The following ITPR2 variants were observed in gnomAD, a reference collection of about 807,000 sequenced individuals.
ITPR2 encodes the protein inositol 1,4,5-trisphosphate-gated calcium channel ITPR2.
Under a neutral mutation model 317.1 loss-of-function variants are expected in ITPR2, and 207 were observed. The observed-to-expected ratio is 0.65, with a 90% CI of 0.58 to 0.73. ITPR2 has a LOEUF of 0.73. Ranked by LOEUF, ITPR2 falls within the 30% of genes least tolerant of loss-of-function variation. ITPR2 has a pLI of 0.00. For missense variants in ITPR2, 2,613 were observed against 3,284.0 expected (o/e 0.80, Z 4.99); for synonymous variants, 1,156 against 1,149.1 (o/e 1.01, Z -0.12).
chr12:26,531,684 A>C (rs11609438), intron 37 of ITPR2, among the ~76,000 whole-genome samples: 11,418 of 131,470 alleles, frequency 0.087, 537 homozygotes, highest in Non-Finnish European at 0.12. Flanking sequence ...CACACACACA[A>C]GTGTGTATCT....
chr12:26,366,761 T>A (rs546110624), intron 55 of ITPR2, among the ~76,000 whole-genome samples: 1 of 152,284 alleles, frequency 6.6e-6, no homozygotes, highest in Admixed American at 6.5e-5. Flanking sequence ...ATTTGGTAGT[T>A]CCAAAACCAT....
At chr12:26,403,524 G>T (rs1216836034) in intron 52 of ITPR2, among the ~76,000 whole-genome samples, 1 of 152,114 alleles carries the variant, frequency 6.6e-6, no homozygotes, top group East Asian at 1.9e-4. Context: ...AGGCTGAAGG[G>T]GGAATGTCAT....
intron 15 of ITPR2, among the ~76,000 whole-genome samples, chr12:26,660,379 G>A (rs996967101): frequency 1.3e-5 from 2 of 152,120 alleles, no homozygotes; most frequent in South Asian, 2.1e-4. Flanking sequence ...CATCTCCCAC[G>A]TTCTATCTAC....
At chr12:26,416,959 C>T (rs193300685) in intron 50 of ITPR2, among the ~76,000 whole-genome samples, 346 of 152,218 alleles carry the variant, frequency 2.3e-3, no homozygotes, top group African/African-American at 8.2e-3. Context: ...GCCTGGGTTC[C>T]GTTCTAGGCC....
At position 26,335,419 on chromosome 12, in the gene ITPR2, G is replaced by A. The variant is rs1018813136; in HGVS notation, c.*3978C>T. On this transcript the variant is annotated 3_prime_UTR_variant, in exon 57 of 57. Transcript: ENST00000381340. ...TGCCCTTGTCATATATTGGAATCGT[G>A]TTTTTTAGGCAAATATAACAATCCT... Among the ~76,000 whole-genome samples the A allele has an allele frequency of 1.3e-5, 2 of 152,168 alleles. No homozygotes were observed. The highest frequency in any genetic ancestry group is 4.8e-5 in the African/African-American group (2 of 41,436).
At chr12:26,751,864 TAA>T (rs58449510) in intron 2 of ITPR2, among the ~76,000 whole-genome samples, 17 of 132,978 alleles carry the variant, frequency 1.3e-4, no homozygotes, top group African/African-American at 4.6e-4. Flanking sequence ...AGACTCTATC[TAA>T]AAAAAAAAAA....
chr12:26,595,334 A>C (rs773179277), intron 32 of ITPR2, 131 bp downstream of exon 32: 190 of 844,346 alleles, frequency 2.3e-4, no homozygotes, highest in Non-Finnish European at 3.2e-4. Flanking sequence ...TCTGAAATTT[A>C]TTCACAACTT....
chr12:26,796,828 G>A (rs1592139524), intron 1 of ITPR2, among the ~76,000 whole-genome samples: 2 of 152,058 alleles, frequency 1.3e-5, no homozygotes, highest in South Asian at 2.1e-4. Flanking sequence ...TCAGGAGTTC[G>A]AGACCAGTCT....
intron 34 of ITPR2, among the ~76,000 whole-genome samples, chr12:26,562,248 T>C (rs1944838780): frequency 6.6e-6 from 1 of 152,184 alleles, no homozygotes; most frequent in Non-Finnish European, 1.5e-5. Context: ...ACCAGCATAT[T>C]TGTACCTTCC....
Position 26,419,090 on chromosome 12 carries a change from T to G in ITPR2, c.7069A>C (p.Met2357Leu). ...LYHVAYVLVCMLGLFVHEFFY... is the reference protein window; with the variant it reads ...LYHVAYVLVCLLGLFVHEFFY... ...AATTCATGGACAAAAAGGCCCAGCA[T>G]GCAAACCAGGACATACGCCACGTGA... Residue 2357 changes from methionine (M) to leucine (L), a missense_variant, in exon 50 of 57, where the codon ATG (methionine) becomes CTG (leucine). Met to Leu is a conservative substitution (Grantham distance 15). Around this residue, in one of 9 missense-constraint regions of ITPR2, gnomAD observed 78 missense variants for 110.3 expected, o/e 0.71. Transcript: ENST00000381340. 1.2e-6 allele frequency: 2 copies of G among 1,613,718 alleles called. No individual in the cohort carries two copies. The highest frequency in any genetic ancestry group is 1.7e-6 in the Non-Finnish European group (2 of 1,179,804).
At chr12:26,394,577 C>T (rs1939939079) in intron 54 of ITPR2, among the ~76,000 whole-genome samples, 2 of 151,876 alleles carry the variant, frequency 1.3e-5, no homozygotes, top group South Asian at 4.2e-4. Context: ...AATGGGAGAA[C>T]AACAGGGGAG....
chr12:26,555,197 T>C (rs1944629539), intron 36 of ITPR2, among the ~76,000 whole-genome samples: 1 of 152,216 alleles, frequency 6.6e-6, no homozygotes, highest in East Asian at 1.9e-4. Flanking sequence ...ACTCCCAAGG[T>C]TCCAGCTTAA....
chr12:26,373,659 C>G (rs978555527), intron 55 of ITPR2: 3 of 152,182 alleles, frequency 2.0e-5, no homozygotes, highest in African/African-American at 7.2e-5. Context: ...TCTCCAAGTA[C>G]TAACCAGGCC....
intron 55 of ITPR2, among the ~76,000 whole-genome samples, chr12:26,377,024 C>T (rs766578774): frequency 4.6e-5 from 7 of 152,244 alleles, no homozygotes; most frequent in African/African-American, 1.4e-4. Flanking sequence ...CCACCATGCC[C>T]GGCCCAGGAT....
intron 48 of ITPR2, among the ~76,000 whole-genome samples, chr12:26,429,229 A>G (rs1941144724): frequency 6.6e-6 from 1 of 152,232 alleles, no homozygotes; most frequent in Admixed American, 6.5e-5. Flanking sequence ...TCAGATAATG[A>G]ACAGCATTCA....
intron 54 of ITPR2, among the ~76,000 whole-genome samples, chr12:26,397,539 T>C (rs1940037350): frequency 6.6e-6 from 1 of 152,146 alleles, no homozygotes; most frequent in South Asian, 2.1e-4. Context: ...AGGCTATTTA[T>C]TGTGTTTGTA....
chr12:26,475,443 G>C, intron 44 of ITPR2, 25 bp from the exon 45 acceptor site: 1 of 1,596,968 alleles, frequency 6.3e-7, no homozygotes, highest in Non-Finnish European at 8.5e-7. Context: ...AAAGAATATT[G>C]AAATGCCAGA....
intron 43 of ITPR2, among the ~76,000 whole-genome samples, 159 bp from the exon 44 acceptor site, chr12:26,477,166 A>G (rs1224516430): frequency 3.9e-5 from 6 of 152,236 alleles, no homozygotes; most frequent in African/African-American, 1.4e-4. Context: ...AAAATAGAAC[A>G]TCTTACTCCA....
At chr12:26,524,769 T>C (rs1006609103) in intron 37 of ITPR2, among the ~76,000 whole-genome samples, 1 of 152,160 alleles carries the variant, frequency 6.6e-6, no homozygotes, top group Non-Finnish European at 1.5e-5. Context: ...CCACCAACAT[T>C]ACAATATTAT....
Sources: gnomAD v4.1 joint callset for allele counts (sites outside exome capture counted in the v4.1 genomes callset) on GRCh38, gnomAD v4.1.1 for gene constraint, gnomAD v4.1.1 regional missense constraint, MANE v1.5 for transcripts, NCBI Gene and HGNC (gene_info 2026-07-23, HGNC 2026-07-21) for gene names.